Variants in AKAP6 observed in about 807,000 individuals in gnomAD.
AKAP6 encodes A-kinase anchor protein 6.
In AKAP6, 58 loss-of-function variants were observed where a neutral mutation model predicts 188.5. That is an observed-to-expected ratio of 0.31 (90% CI 0.25 to 0.38). The LOEUF (loss-of-function observed/expected upper bound fraction) is 0.38. Ranked by LOEUF, AKAP6 falls within the 10% of genes least tolerant of loss-of-function variation. AKAP6 has a pLI of 1.00. For missense variants in AKAP6, 2,710 were observed against 2,740.0 expected (o/e 0.99, Z 0.24); for synonymous variants, 989 against 998.6 (o/e 0.99, Z 0.18).
chr14:32,770,755 C>T (rs1250653246), intron 11 of AKAP6, among the ~76,000 whole-genome samples: 1 of 152,218 alleles, frequency 6.6e-6, no homozygotes, highest in African/African-American at 2.4e-5. Flanking sequence ...GCACCTTCCT[C>T]TTTGATATTA....
chr14:32,584,280 G>A (rs1448640150), intron 5 of AKAP6, among the ~76,000 whole-genome samples: 1 of 152,186 alleles, frequency 6.6e-6, no homozygotes, highest in African/African-American at 2.4e-5. Flanking sequence ...AGTGACTAAT[G>A]AGCAGGTAGC....
chr14:32,546,766 G>A lies in AKAP6; in HGVS notation c.2113G>A (p.Ala705Thr), dbSNP rs778917900. The change falls in exon 4 of 14, where the codon GCC (alanine) becomes ACC (threonine). Residue 705 changes from alanine to threonine, a missense_variant. Coordinates refer to ENST00000280979, the MANE Select transcript of AKAP6 (RefSeq NM_004274.5). ...RVSPSSSSDI[A>T]SSLGESIESG... ...GTCTCCAAGCTCATCTAGTGACATAGCCTCTTCACTAGGGGAGAGCATTGA... is the reference window on the plus strand; with the variant it reads ...GTCTCCAAGCTCATCTAGTGACATAACCTCTTCACTAGGGGAGAGCATTGA... 11 of 1,613,978 alleles carry A rather than the reference G, an allele frequency of 6.8e-6. No individual in the cohort carries two copies. The East Asian group carries it at 1.3e-4, about 20-fold the overall frequency.
intron 1 of AKAP6, among the ~76,000 whole-genome samples, chr14:32,375,444 G>T (rs1888129161): frequency 6.6e-6 from 1 of 151,716 alleles, no homozygotes; most frequent in Non-Finnish European, 1.5e-5. Flanking sequence ...TGTAGATATG[G>T]AGTGTATCAG....
intron 1 of AKAP6, among the ~76,000 whole-genome samples, chr14:32,420,716 C>G (rs1176669198): frequency 6.6e-6 from 1 of 152,196 alleles, no homozygotes; most frequent in East Asian, 1.9e-4. Flanking sequence ...GCCTTCTGAC[C>G]TGTTGTAGTC....
At chr14:32,780,818 T>C (rs1460736973) in intron 12 of AKAP6, among the ~76,000 whole-genome samples, 1 of 152,160 alleles carries the variant, frequency 6.6e-6, no homozygotes, top group Admixed American at 6.5e-5. Context: ...TTGACTATAA[T>C]AGAATTAGTT....
chr14:32,540,168 C>G (rs12884321), intron 3 of AKAP6, among the ~76,000 whole-genome samples: 1 of 60,956 alleles, frequency 1.6e-5, no homozygotes, highest in African/African-American at 9.8e-5. Flanking sequence ...CTCTCTCTCT[C>G]TATATATATA....
chr14:32,786,313 T>A lies in AKAP6; in HGVS notation c.3588+12420T>A, dbSNP rs1355628698. On this transcript the variant is annotated intron_variant, in intron 12 of 13. Transcript: ENST00000280979. Reference sequence around the variant, plus strand: ...AAACCTTTATCTTTTTTTTTTTTTTTTTTTTTTTTTTTGAGACGGAATCTT... The same window carrying A: ...AAACCTTTATCTTTTTTTTTTTTTTATTTTTTTTTTTTGAGACGGAATCTT... Among the ~76,000 whole-genome samples, 49 of 99,886 alleles carry A rather than the reference T, an allele frequency of 4.9e-4. 1 individual carries two copies. Among genetic ancestry groups the A allele is most frequent in the Admixed American group, 2.2e-3 (22 of 9,830 alleles). 65.5% of individuals were successfully genotyped at this position (99,886 alleles called of 152,430 possible).
chr14:32,528,400 T>A (rs1436074030), intron 2 of AKAP6, among the ~76,000 whole-genome samples: 1 of 152,144 alleles, frequency 6.6e-6, no homozygotes, highest in African/African-American at 2.4e-5. Flanking sequence ...TGCTTGTAGA[T>A]GTCCAGTTCC....
intron 9 of AKAP6, among the ~76,000 whole-genome samples, chr14:32,702,918 G>T (rs1431162244): frequency 6.6e-6 from 1 of 151,038 alleles, no homozygotes; most frequent in Non-Finnish European, 1.5e-5. Context: ...ATCACAACAG[G>T]GCTGGCTCAG....
intron 11 of AKAP6, among the ~76,000 whole-genome samples, chr14:32,770,310 A>G (rs7141509): frequency 0.16 from 23,837 of 152,140 alleles, 3,013 homozygotes; most frequent in African/African-American, 0.35. Flanking sequence ...AAATTGCCTA[A>G]AGATTATCAA....
intron 2 of AKAP6, among the ~76,000 whole-genome samples, chr14:32,532,298 A>G (rs117198348): frequency 6.6e-6 from 1 of 152,314 alleles, no homozygotes; most frequent in Non-Finnish European, 1.5e-5. Flanking sequence ...TTGGTAGGTC[A>G]GCACTTATGG....
In AKAP6 at chr14:32,822,823, C is replaced by A. The variant is rs1383394082; in HGVS notation, c.5010C>A (p.Gly1670=). The change falls in exon 13 of 14, where the codon GGC becomes GGA. Residue 1670 remains glycine, a synonymous_variant. Coordinates refer to ENST00000280979, the MANE Select transcript of AKAP6 (RefSeq NM_004274.5). ...GTTCCCAAAAGATGTCCTTTACTGGCCAGATGTCATTGGACATAGCATCTT... is the reference window on the plus strand; with the variant it reads ...GTTCCCAAAAGATGTCCTTTACTGGACAGATGTCATTGGACATAGCATCTT... ...QSSSQKMSFT[G]QMSLDIASSI... is the part of the protein sequence containing the mutation. The A allele has an allele frequency of 6.2e-7, 1 of 1,613,902 alleles. No homozygotes were observed. Among genetic ancestry groups the A allele is most frequent in the Non-Finnish European group, 8.5e-7 (1 of 1,179,926 alleles).
chr14:32,407,899 G>A (rs1031857127), intron 1 of AKAP6, among the ~76,000 whole-genome samples: 2 of 152,154 alleles, frequency 1.3e-5, no homozygotes, highest in African/African-American at 2.4e-5. Context: ...TTTAATGACC[G>A]CTAGGAGTTT....
intron 7 of AKAP6, among the ~76,000 whole-genome samples, chr14:32,663,956 T>C (rs565603583): frequency 6.6e-6 from 1 of 152,200 alleles, no homozygotes; most frequent in Middle Eastern, 3.4e-3. Context: ...ACAATATCAA[T>C]GTTATGGAAC....
intron 5 of AKAP6, among the ~76,000 whole-genome samples, chr14:32,595,828 C>T (rs547418496): frequency 2.1e-4 from 32 of 152,238 alleles, no homozygotes; most frequent in East Asian, 1.9e-3. Context: ...ATTTATTCTA[C>T]GCTGGGTCTT....
chr14:32,805,758 G>A (rs912532918), intron 12 of AKAP6, among the ~76,000 whole-genome samples: 1 of 152,154 alleles, frequency 6.6e-6, no homozygotes, highest in South Asian at 2.1e-4. Flanking sequence ...TAGGTCTGTT[G>A]TTTCCCTTGA....
chr14:32,553,167 C>CTT (rs397798236), intron 4 of AKAP6, among the ~76,000 whole-genome samples: 23 of 132,704 alleles, frequency 1.7e-4, no homozygotes, highest in East Asian at 4.1e-4. Context: ...TTTTTCTTTT[C>CTT]TTTTTTTTTT....
chr14:32,444,608 G>A (rs1250908698), intron 2 of AKAP6, among the ~76,000 whole-genome samples: 11 of 152,074 alleles, frequency 7.2e-5, no homozygotes, highest in African/African-American at 2.4e-4. Context: ...AATGGAGAAG[G>A]AATATGTGAA....
rs558179907 is a variant in AKAP6, at chr14:32,400,511, T to A, written c.-34-32949T>A. ...ATTGTTGGTTATATTTTATGCAGCA[T>A]TTCCAGGTGCTTGGCGGCAGGAGTA... On this transcript the variant is annotated intron_variant, in intron 1 of 13. Coordinates refer to ENST00000280979, the MANE Select transcript of AKAP6 (RefSeq NM_004274.5). 7.8e-4 allele frequency among the ~76,000 whole-genome samples: 98 copies of A among 125,386 alleles called. 1 individual carries two copies. The highest frequency in any genetic ancestry group is 2.3e-3 in the Admixed American group (21 of 8,988). The allele number at this position is 125,386 out of a possible 152,430, so 82.3% of individuals were successfully genotyped here.
Sources: gnomAD v4.1 joint callset for allele counts (sites outside exome capture counted in the v4.1 genomes callset) on GRCh38, gnomAD v4.1.1 for gene constraint, MANE v1.5 for transcripts, NCBI Gene and HGNC (gene_info 2026-07-23, HGNC 2026-07-21) for gene names.